Variants in SPTBN1 observed in about 807,000 individuals in gnomAD.
SPTBN1 encodes the protein spectrin beta chain, non-erythrocytic 1.
In SPTBN1, 32 loss-of-function variants were observed where a neutral mutation model predicts 266.4. The observed-to-expected ratio is 0.12, with a 90% CI of 0.09 to 0.16. The LOEUF is 0.16. SPTBN1 is among the 10% of genes least tolerant of loss of function. SPTBN1 has a pLI of 1.00. For synonymous variants in SPTBN1, 1,336 were observed against 1,162.2 expected (o/e 1.15, Z -3.04); for missense variants, 2,296 against 3,067.1 (o/e 0.75, Z 5.94).
intron 2 of SPTBN1, among the ~76,000 whole-genome samples, chr2:54,569,980 C>T (rs546869360): frequency 3.4e-5 from 5 of 149,234 alleles, no homozygotes; most frequent in Admixed American, 2.0e-4. Context: ...TTCCCCCCCC[C>T]CTTTAGAAAG....
intron 2 of SPTBN1, among the ~76,000 whole-genome samples, chr2:54,578,776 G>GTGA (rs934944105): frequency 2.6e-5 from 4 of 151,918 alleles, no homozygotes; most frequent in African/African-American, 7.2e-5. Flanking sequence ...GTGTGTGTGT[G>GTGA]TGATGATAAT....
chr2:54,522,678 G>GGAGA (rs1553439420), intron 1 of SPTBN1, among the ~76,000 whole-genome samples: 2 of 78,640 alleles, frequency 2.5e-5, no homozygotes, highest in Admixed American at 1.4e-4. Flanking sequence ...GAGAGAGAGA[G>GGAGA]GAGAGAGAGA....
chr2:54,623,589 T>A lies in SPTBN1; in HGVS notation c.1175T>A (p.Ile392Asn), dbSNP rs1678133500. 6.2e-7 allele frequency: 1 copy of A among 1,613,504 alleles called. No individual in the cohort carries two copies. ...CGGGAGGGGAAGCTCATCTCTGACA[T>A]CAACAAGGTAAAGTGGATCTGGACT... ...MPREGKLISD[I>N]NKAWERLEKA... Residue 392 changes from isoleucine to asparagine, a missense_variant, in exon 10 of 36, where the codon ATC becomes AAC. Physicochemically the swap from Ile to Asn is moderately radical, Grantham distance 149. Transcript: ENST00000356805.
At chr2:54,556,963 T>G (rs1188263549) in intron 2 of SPTBN1, among the ~76,000 whole-genome samples, 1 of 152,186 alleles carries the variant, frequency 6.6e-6, no homozygotes, top group African/African-American at 2.4e-5. Flanking sequence ...CCAAGTGTTT[T>G]GTAATGCTCT....
At chr2:54,539,612 T>C (rs898353254) in intron 2 of SPTBN1, among the ~76,000 whole-genome samples, 12 of 152,212 alleles carry the variant, frequency 7.9e-5, no homozygotes, top group Non-Finnish European at 1.3e-4. Flanking sequence ...CGATTTTGGC[T>C]CATTGCGACC....
At chr2:54,650,458 G>A (rs1313860045) in intron 26 of SPTBN1, among the ~76,000 whole-genome samples, 1 of 151,914 alleles carries the variant, frequency 6.6e-6, no homozygotes, top group Non-Finnish European at 1.5e-5. Flanking sequence ...GTTTGACAAA[G>A]TAGTAACAAT....
intron 32 of SPTBN1, chr2:54,660,617 T>G: frequency 1.0e-6 from 1 of 985,466 alleles, no homozygotes; most frequent in Non-Finnish European, 1.2e-6. Flanking sequence ...AAAAAGGGAG[T>G]CAGATATATT....
At position 54,608,695 on chromosome 2, in the gene SPTBN1, C is replaced by T. The variant is rs142916872; in HGVS notation, c.301-3466C>T. Among the ~76,000 whole-genome samples the T allele has an allele frequency of 6.7e-4, 101 of 151,452 alleles. 1 individual carries two copies. Among genetic ancestry groups the T allele is most frequent in the African/African-American group, 1.9e-3 (78 of 41,362 alleles). On this transcript the variant is annotated intron_variant, in intron 3 of 35. Coordinates refer to ENST00000356805, the MANE Select transcript of SPTBN1 (RefSeq NM_003128.3). ...CATTTTGTGTGCGTGTGTGTGCATG[C>T]GCGCACGAGTGCGCGCATGCACACA...
rs993913630 is a variant in SPTBN1, at chr2:54,629,046, C to T, written c.1912C>T (p.Arg638Cys). The change falls in exon 14 of 36, where the codon CGC becomes TGC. Residue 638 changes from arginine (R) to cysteine (C), a missense_variant. Arg to Cys is a radical substitution (Grantham distance 180). This residue lies in a region of SPTBN1 where 434 missense variants were observed against 573.9 expected (regional missense o/e 0.76). Transcript: ENST00000356805. ...AERRARLEES[R>C]RLWKFFWEMA... ...GCGCAGGGCCCGTCTGGAAGAGTCC[C>T]GCCGCCTCTGGAAGTTCTTCTGGGA... 5.0e-6 allele frequency: 8 copies of T among 1,613,744 alleles called. No homozygotes were observed. The highest frequency in any genetic ancestry group is 6.8e-6 in the Non-Finnish European group (8 of 1,180,012).
intron 1 of SPTBN1, among the ~76,000 whole-genome samples, chr2:54,492,007 A>G (rs902529256): frequency 2.6e-5 from 4 of 152,206 alleles, no homozygotes; most frequent in Admixed American, 2.6e-4. Flanking sequence ...AGATGTTTCC[A>G]GAGAAATAAT....
chr2:54,614,524 C>A (rs1362618547), intron 4 of SPTBN1, among the ~76,000 whole-genome samples: 5 of 152,056 alleles, frequency 3.3e-5, no homozygotes, highest in African/African-American at 1.2e-4. Context: ...GTATAAGGGC[C>A]AGGTGCGGTG....
chr2:54,653,023 C>A lies in SPTBN1; in HGVS notation c.5578-586C>A, dbSNP rs1188903439. 2 of 152,158 alleles carry A rather than the reference C, an allele frequency of 1.3e-5. No homozygotes were observed. Among genetic ancestry groups the A allele is most frequent in the African/African-American group, 4.8e-5 (2 of 41,422 alleles). The allele number at this position is 152,158 out of a possible 1,614,324, so 9.4% of individuals were successfully genotyped here. The stretch of plus-strand genomic sequence containing the variant: ...TTCTCAATGTATATTTTTAGTTTTG[C>A]AAGGTTTTTGTTGAAATTTGGCTAT... On this transcript the variant is annotated intron_variant, in intron 26 of 35. Transcript: ENST00000356805. The surrounding 1 kb of genome is among the most constrained non-coding windows in gnomAD (Gnocchi z 5.1).
At chr2:54,625,019 C>T (rs1558440108) in intron 11 of SPTBN1, 57 bp downstream of exon 11, 4 of 1,517,410 alleles carry the variant, frequency 2.6e-6, no homozygotes, top group African/African-American at 1.4e-5. Flanking sequence ...GAAACACAGA[C>T]CATCCCCAGG....
At chr2:54,587,625 A>G (rs1340545778) in intron 2 of SPTBN1, among the ~76,000 whole-genome samples, 4 of 152,182 alleles carry the variant, frequency 2.6e-5, no homozygotes, top group African/African-American at 9.7e-5. Flanking sequence ...TGAAGTGTCC[A>G]TCAAAATAAG....
At position 54,664,902 on chromosome 2, in the gene SPTBN1, G is replaced by A. The variant is rs556034197; in HGVS notation, c.6659+211G>A. ...AGAGAAGAAGAGTTGAGTTTGGATGGGAGTAGCTAGAAGGGGCTTTAGTAG... is the reference window on the plus strand; with the variant it reads ...AGAGAAGAAGAGTTGAGTTTGGATGAGAGTAGCTAGAAGGGGCTTTAGTAG... On this transcript the variant is annotated intron_variant, in intron 33 of 35. Transcript: ENST00000356805. This position sits in a 1 kb window ranked among gnomAD's most constrained non-coding sequence, Gnocchi z 5.6. 48 of 573,246 alleles carry A rather than the reference G, an allele frequency of 8.4e-5. No individual in the cohort carries two copies. The highest frequency in any genetic ancestry group is 1.4e-4 in the Non-Finnish European group (47 of 325,928). 35.5% of individuals were successfully genotyped at this position (573,246 alleles called of 1,614,324 possible). A position where few individuals can be genotyped will look rare whatever the true frequency, so the allele number is the denominator to read the frequency against.
At chr2:54,632,811 G>A in intron 17 of SPTBN1, 43 bp downstream of exon 17, 1 of 1,599,336 alleles carries the variant, frequency 6.3e-7, no homozygotes, top group South Asian at 1.1e-5. Flanking sequence ...GCACCTTGGG[G>A]CTCTCAAACT....
intron 2 of SPTBN1, among the ~76,000 whole-genome samples, chr2:54,552,725 G>A (rs1388766858): frequency 2.0e-5 from 3 of 151,890 alleles, no homozygotes; most frequent in Non-Finnish European, 4.4e-5. Flanking sequence ...AAAGTGCTGG[G>A]ATTACAGGCG....
chr2:54,619,497 A>T (rs903634719), intron 7 of SPTBN1, among the ~76,000 whole-genome samples: 2 of 152,040 alleles, frequency 1.3e-5, no homozygotes, highest in African/African-American at 4.8e-5. Flanking sequence ...GAAAAGGGGG[A>T]TTGATGTTCC....
chr2:54,612,069 G>T (rs1177947758), intron 3 of SPTBN1, 92 bp from the exon 4 acceptor site: 1 of 1,252,812 alleles, frequency 8.0e-7, no homozygotes, highest in Non-Finnish European at 1.1e-6. Context: ...GGAGAGCATT[G>T]CATGAATGGG....
Sources: gnomAD v4.1 joint callset for allele counts (sites outside exome capture counted in the v4.1 genomes callset) on GRCh38, gnomAD v4.1.1 for gene constraint, gnomAD v4.1.1 regional missense constraint, Gnocchi (gnomAD v3.1) non-coding constraint, MANE v1.5 for transcripts, NCBI Gene and HGNC (gene_info 2026-07-23, HGNC 2026-07-21) for gene names.